Variants in CUX1 observed in about 807,000 individuals in gnomAD.
CUX1 encodes the protein protein CASP.
In CUX1, 31 loss-of-function variants were observed where a neutral mutation model predicts 158.8. The ratio of observed to expected loss-of-function variants is 0.20; its 90% CI spans 0.15 to 0.26. The LOEUF (loss-of-function observed/expected upper bound fraction) is 0.26, where lower values mean the gene tolerates loss of function less well. Ranked by LOEUF, CUX1 falls within the 10% of genes least tolerant of loss-of-function variation. The pLI, the probability that CUX1 is intolerant of heterozygous loss-of-function variation, is 1.00. For synonymous variants in CUX1, 879 were observed against 862.1 expected, an observed-to-expected ratio of 1.02 and a Z score of -0.34; for missense variants, 1,589 against 2,014.6, an observed-to-expected ratio of 0.79 and a Z score of 4.04.
chr7:102,252,167 AAGCT>A lies in CUX1; in HGVS notation c.*3129_*3132del. On this transcript the variant is annotated 3_prime_UTR_variant, in exon 24 of 24. Transcript: ENST00000292535. ...ATCCTAACCTTAGATCTTTGATGTG[AAGCT>A]AGCACTGTCTGTAATACTTCTAAGA... 1 of 985,366 alleles carries A rather than the reference AAGCT, an allele frequency of 1.0e-6. No homozygotes were observed. The highest frequency in any genetic ancestry group is 1.2e-6 in the Non-Finnish European group (1 of 829,920). The allele number at this position is 985,366 out of a possible 1,614,324, so 61.0% of individuals were successfully genotyped here. A position where few individuals can be genotyped will look rare whatever the true frequency, so the allele number is the denominator to read the frequency against.
At position 102,251,226 on chromosome 7, in the gene CUX1, A is replaced by G. The variant is rs1411955821; in HGVS notation, c.*2184A>G. 8 of 957,422 alleles carry G rather than the reference A, an allele frequency of 8.4e-6. No homozygotes were observed. Among genetic ancestry groups the G allele is most frequent in the Non-Finnish European group, 9.9e-6 (8 of 807,976 alleles). The allele number at this position is 957,422 out of a possible 1,614,324, so 59.3% of individuals were successfully genotyped here. A position where few individuals can be genotyped will look rare whatever the true frequency, so the allele number is the denominator to read the frequency against. ...ATTCATTATTTCTTAAGTTTAATTA[A>G]TATTACTTTTTTTTTTATTTGGGGG... On this transcript the variant is annotated 3_prime_UTR_variant, in exon 24 of 24. Transcript: ENST00000292535.
chr7:101,931,327 CTG>C (rs1806266146), intron 2 of CUX1, among the ~76,000 whole-genome samples: 1 of 152,166 alleles, frequency 6.6e-6, no homozygotes, highest in Non-Finnish European at 1.5e-5. Context: ...ACCAGGAAGA[CTG>C]TTGTGAGGGC....
chr7:102,152,805 G>T (rs115433559), intron 8 of CUX1, among the ~76,000 whole-genome samples: 2,385 of 152,272 alleles, frequency 0.016, 53 homozygotes, highest in African/African-American at 0.053. Flanking sequence ...CAGCCCCTCC[G>T]AGCCTGGCTG....
chr7:101,836,678 CCTT>C (rs1277255775), intron 1 of CUX1, among the ~76,000 whole-genome samples: 41 of 125,282 alleles, frequency 3.3e-4, no homozygotes, highest in East Asian at 4.0e-4. Context: ...CAGCGAGACT[CCTT>C]CTCAAAAAAA....
At chr7:102,018,912 C>T (rs1278077852) in intron 2 of CUX1, among the ~76,000 whole-genome samples, 3 of 152,000 alleles carry the variant, frequency 2.0e-5, no homozygotes, top group Non-Finnish European at 4.4e-5. Context: ...CGGGAGAAGG[C>T]GAGGAAAAGG....
intron 3 of CUX1, among the ~76,000 whole-genome samples, chr7:102,052,966 C>A (rs1176300219): frequency 6.6e-6 from 1 of 152,056 alleles, no homozygotes; most frequent in East Asian, 1.9e-4. Context: ...TGCCACCATG[C>A]CCAGCTAATT....
At chr7:102,000,315 G>A (rs562008111) in intron 2 of CUX1, among the ~76,000 whole-genome samples, 122 of 152,160 alleles carry the variant, frequency 8.0e-4, no homozygotes, top group African/African-American at 2.6e-3. Context: ...GCTTCTGGAC[G>A]CTAGCACTAA....
chr7:102,204,360 C>CT, intron 18 of CUX1, 31 bp from the exon 19 acceptor site: 1 of 1,610,928 alleles, frequency 6.2e-7, no homozygotes, highest in Admixed American at 1.7e-5. Context: ...TAGCCAGGCA[C>CT]TGATGGCCTG....
At chr7:102,216,619 C>CCCCCA (rs1554524756) in intron 20 of CUX1, among the ~76,000 whole-genome samples, 1 of 73,930 alleles carries the variant, frequency 1.4e-5, no homozygotes, top group Non-Finnish European at 2.5e-5. Flanking sequence ...CACACACTCC[C>CCCCCA]CACACACACA....
chr7:102,216,604 A>ACACACC (rs782307805), intron 20 of CUX1, among the ~76,000 whole-genome samples: 8 of 64,848 alleles, frequency 1.2e-4, no homozygotes, highest in East Asian at 1.2e-3. Flanking sequence ...ACTCCCACAC[A>ACACACC]CACACACACA....
chr7:102,141,789 A>ATTTTTTTTTTTTTTTT (rs71123009), intron 8 of CUX1, among the ~76,000 whole-genome samples: 7 of 102,578 alleles, frequency 6.8e-5, no homozygotes, highest in Non-Finnish European at 1.1e-4. Context: ...CTCTCAGCTA[A>ATTTTTTTTTTTTTTTT]TTTTTTTTTT....
chr7:102,277,872 C>A (rs1410304782), intron 17 of CUX1: 29 of 876,156 alleles, frequency 3.3e-5, no homozygotes, highest in Admixed American at 5.7e-5. Context: ...ACAGAAGGGG[C>A]TCCAGGTAGA....
chr7:102,068,249 C>T (rs563850145), intron 3 of CUX1, among the ~76,000 whole-genome samples: 47 of 150,956 alleles, frequency 3.1e-4, no homozygotes, highest in Admixed American at 1.1e-3. Flanking sequence ...ATTGCCACCC[C>T]GCCCAGCTAA....
At chr7:101,919,376 G>A (rs1226132063) in intron 2 of CUX1, among the ~76,000 whole-genome samples, 1 of 152,202 alleles carries the variant, frequency 6.6e-6, no homozygotes, top group Non-Finnish European at 1.5e-5. Context: ...TGGCCACACC[G>A]CAGGATTGAT....
chr7:101,857,632 G>A (rs892349766), intron 1 of CUX1, among the ~76,000 whole-genome samples: 2 of 152,236 alleles, frequency 1.3e-5, no homozygotes, highest in African/African-American at 4.8e-5. Flanking sequence ...GAAAGACGGA[G>A]CTTGTCTGGC....
In CUX1 at chr7:102,201,842, G is replaced by A. The variant is rs149103300; in HGVS notation, c.2545G>A (p.Gly849Arg). The A allele has an allele frequency of 3.2e-5, 52 of 1,612,950 alleles. No homozygotes were observed. The highest frequency in any genetic ancestry group is 4.3e-5 in the Non-Finnish European group (51 of 1,179,910). ...EEAKAEETGGGKEKGSGGSGG... is the reference protein window; with the variant it reads ...EEAKAEETGGRKEKGSGGSGG... Reference sequence around the variant, plus strand: ...GGCCAAGGCCGAAGAAACGGGCGGCGGGAAAGAGAAGGGCAGCGGTGGCAG... The same window carrying A: ...GGCCAAGGCCGAAGAAACGGGCGGCAGGAAAGAGAAGGGCAGCGGTGGCAG... Residue 849 changes from glycine to arginine, a missense_variant, in exon 18 of 24, where the codon GGG becomes AGG. Gly to Arg is a moderately radical substitution (Grantham distance 125). This residue lies in a region of CUX1 where 337 missense variants were observed against 409.3 expected (regional missense o/e 0.82). Transcript: ENST00000292535. The surrounding 1 kb of genome is among the most constrained non-coding windows in gnomAD (Gnocchi z 5.0).
chr7:102,214,088 C>T (rs972377656), intron 20 of CUX1, among the ~76,000 whole-genome samples: 5 of 151,896 alleles, frequency 3.3e-5, no homozygotes, highest in African/African-American at 9.7e-5. Flanking sequence ...GGCGAGATCA[C>T]GCCACTGCAC....
intron 10 of CUX1, among the ~76,000 whole-genome samples, chr7:102,172,971 GA>G (rs112751532): frequency 0.065 from 9,868 of 152,080 alleles, 438 homozygotes; most frequent in African/African-American, 0.12. Flanking sequence ...CGAGGCAGGA[GA>G]ATTGCTTGAA....
rs149485654 is a variant in CUX1 at position 102,252,085 on chromosome 7, C to T, written c.*3043C>T. ...GATACAATCAGTTGGTTAAATTTTG[C>T]TTGCAGTTCTGTGTATTTTTTTTCC... is the stretch of plus-strand genomic sequence containing the variant. On this transcript the variant is annotated 3_prime_UTR_variant, in exon 24 of 24. Transcript: ENST00000292535. 2.9e-5 allele frequency: 29 copies of T among 985,264 alleles called. No individual in the cohort carries two copies. The African/African-American group carries it at 4.9e-4, about 17-fold the overall frequency. The allele number at this position is 985,264 out of a possible 1,614,324, so 61.0% of individuals were successfully genotyped here. A position where few individuals can be genotyped will look rare whatever the true frequency, so the allele number is the denominator to read the frequency against.
Sources: allele counts gnomAD v4.1 joint callset (sites outside exome capture counted in the v4.1 genomes callset), GRCh38; gene constraint gnomAD v4.1.1; regional missense constraint gnomAD v4.1.1; non-coding constraint Gnocchi (gnomAD v3.1); transcripts MANE v1.5; gene names NCBI Gene and HGNC (gene_info 2026-07-23, HGNC 2026-07-21).